BRINP3: variants seen among roughly 807,000 people sequenced by gnomAD.
BRINP3 encodes BMP/retinoic acid inducible neural specific 3.
Under a neutral mutation model 71.0 loss-of-function variants are expected in BRINP3, and 19 were observed. The ratio of observed to expected loss-of-function variants is 0.27; its 90% CI spans 0.19 to 0.39. BRINP3 has a LOEUF of 0.39. Among genes scored for constraint, BRINP3 ranks in the 10% least tolerant of loss-of-function variants. The pLI is 1.00. For synonymous variants in BRINP3, 380 were observed against 337.7 expected (o/e 1.13, Z -1.37); for missense variants, 959 against 940.8 (o/e 1.02, Z -0.25).
chr1:190,229,184 C>T (rs1657696980), intron 5 of BRINP3, among the ~76,000 whole-genome samples: 1 of 152,034 alleles, frequency 6.6e-6, no homozygotes, highest in South Asian at 2.1e-4. Flanking sequence ...GTGTCCCCCA[C>T]AAAATCTCAC....
intron 1 of BRINP3, among the ~76,000 whole-genome samples, chr1:190,456,815 A>T (rs1158197415): frequency 1.3e-5 from 2 of 152,112 alleles, no homozygotes; most frequent in African/African-American, 4.8e-5. Flanking sequence ...TTCATTTCAT[A>T]AAGACAGAAT....
chr1:190,133,083 G>A (rs1426404199), intron 7 of BRINP3, among the ~76,000 whole-genome samples: 2 of 152,008 alleles, frequency 1.3e-5, no homozygotes, highest in African/African-American at 4.8e-5. Context: ...TCCTGAGTGA[G>A]AATACTTAAC....
chr1:190,290,998 A>T (rs914226490), intron 2 of BRINP3, among the ~76,000 whole-genome samples: 2 of 151,836 alleles, frequency 1.3e-5, no homozygotes, highest in African/African-American at 4.8e-5. Flanking sequence ...GAGGAAAGAG[A>T]AGAAACAGAC....
intron 4 of BRINP3, among the ~76,000 whole-genome samples, chr1:190,238,522 T>C (rs1658744066): frequency 6.6e-6 from 1 of 152,036 alleles, no homozygotes; most frequent in South Asian, 2.1e-4. Flanking sequence ...AAACATCCAG[T>C]AATTTTGAAA....
chr1:190,187,388 A>G (rs1248812778), intron 6 of BRINP3, among the ~76,000 whole-genome samples: 3 of 151,980 alleles, frequency 2.0e-5, no homozygotes, highest in Non-Finnish European at 4.4e-5. Flanking sequence ...ATTTTTATGT[A>G]ATCCTATTAG....
intron 2 of BRINP3, among the ~76,000 whole-genome samples, chr1:190,360,543 A>G (rs1024990280): frequency 6.6e-6 from 1 of 152,208 alleles, no homozygotes; most frequent in Non-Finnish European, 1.5e-5. Context: ...TCTTTCATTA[A>G]CTTTTTTCTG....
chr1:190,174,962 A>G (rs1048712556), intron 6 of BRINP3, among the ~76,000 whole-genome samples: 1 of 152,114 alleles, frequency 6.6e-6, no homozygotes, highest in Non-Finnish European at 1.5e-5. Context: ...AGCTTCTCTG[A>G]CCATAGCTCT....
chr1:190,396,198 G>T (rs1348157759), intron 2 of BRINP3, among the ~76,000 whole-genome samples: 3 of 151,902 alleles, frequency 2.0e-5, no homozygotes, highest in Admixed American at 6.6e-5. Context: ...TAGTAAATGA[G>T]TAATGCTGGA....
At chr1:190,456,576 T>A (rs534666054) in intron 1 of BRINP3, among the ~76,000 whole-genome samples, 4 of 152,056 alleles carry the variant, frequency 2.6e-5, no homozygotes, top group Non-Finnish European at 5.9e-5. Flanking sequence ...ATTTTATATA[T>A]TTTTTCTTAT....
intron 6 of BRINP3, among the ~76,000 whole-genome samples, chr1:190,195,034 T>A (rs1654356082): frequency 1.3e-5 from 2 of 151,630 alleles, no homozygotes; most frequent in African/African-American, 4.8e-5. Context: ...ACATGAAGTT[T>A]AAAAAAAAAT....
intron 6 of BRINP3, among the ~76,000 whole-genome samples, chr1:190,203,753 ATATATATATATATATATATATATAT>A (rs1558061818): frequency 0.05 from 268 of 5,362 alleles, 5 homozygotes; most frequent in African/African-American, 0.081. Context: ...TAAAGAAAAT[ATATATATATATATATATATATATAT>A]ATATATATAT....
At chr1:190,461,463 T>C (rs1676395433) in intron 1 of BRINP3, among the ~76,000 whole-genome samples, 1 of 152,186 alleles carries the variant, frequency 6.6e-6, no homozygotes, top group South Asian at 2.1e-4. Flanking sequence ...CCTATGATGG[T>C]ACATTTACAT....
At chr1:190,459,600 A>G (rs1490650137) in intron 1 of BRINP3, among the ~76,000 whole-genome samples, 1 of 152,028 alleles carries the variant, frequency 6.6e-6, no homozygotes, top group African/African-American at 2.4e-5. Flanking sequence ...GTATCTTATT[A>G]TCCACAACTG....
intron 2 of BRINP3, among the ~76,000 whole-genome samples, chr1:190,389,432 T>C (rs184836733): frequency 6.6e-6 from 1 of 151,930 alleles, no homozygotes; most frequent in Admixed American, 6.6e-5. Context: ...TAATAGATTG[T>C]GATAAAACAA....
Position 190,098,567 on chromosome 1 carries a change from C to A in BRINP3, c.1752G>T (p.Trp584Cys), listed in dbSNP as rs1651405617. ...AGCTGTTTTCATTCACAGGCATAAACCAGCTCTCAGAGTGGCTGCCTCCGA... is the reference window on the plus strand; with the variant it reads ...AGCTGTTTTCATTCACAGGCATAAAACAGCTCTCAGAGTGGCTGCCTCCGA... Reference protein sequence around the residue: ...NPFGGSHSESWFMPVNENSFP... With the variant: ...NPFGGSHSESCFMPVNENSFP... Residue 584 changes from tryptophan to cysteine, a missense_variant, in exon 8 of 8, where the codon TGG (tryptophan) becomes TGT (cysteine). Transcript: ENST00000367462. 1.2e-6 allele frequency: 2 copies of A among 1,614,154 alleles called. No individual in the cohort carries two copies. The highest frequency in any genetic ancestry group is 1.7e-5 in the Admixed American group (1 of 60,020).
intron 6 of BRINP3, among the ~76,000 whole-genome samples, chr1:190,163,433 A>G (rs1441366025): frequency 6.6e-6 from 1 of 152,056 alleles, no homozygotes; most frequent in Non-Finnish European, 1.5e-5. Context: ...TTCTACAAAT[A>G]TCTCTGTGTT....
chr1:190,340,966 A>G (rs1667619104), intron 2 of BRINP3, among the ~76,000 whole-genome samples: 1 of 151,858 alleles, frequency 6.6e-6, no homozygotes, highest in Non-Finnish European at 1.5e-5. Context: ...AACAGGAAAG[A>G]CAAAATTTTC....
At chr1:190,459,866 T>C (rs1676265527) in intron 1 of BRINP3, among the ~76,000 whole-genome samples, 1 of 152,062 alleles carries the variant, frequency 6.6e-6, no homozygotes, top group Admixed American at 6.6e-5. Flanking sequence ...CGGTAAACTC[T>C]TACATATCTG....
At chr1:190,277,087 T>TTATATA (rs1222129309) in intron 3 of BRINP3, among the ~76,000 whole-genome samples, 1,024 of 35,996 alleles carry the variant, frequency 0.028, 75 homozygotes, top group African/African-American at 0.053. Context: ...AATTTTGGTT[T>TTATATA]TATATATATA....
Sources: allele counts gnomAD v4.1 joint callset (sites outside exome capture counted in the v4.1 genomes callset), GRCh38; gene constraint gnomAD v4.1.1; transcripts MANE v1.5; gene names NCBI Gene and HGNC (gene_info 2026-07-23, HGNC 2026-07-21).